GABRB3: variants seen among roughly 807,000 people sequenced by gnomAD.
GABRB3 encodes gamma-aminobutyric acid receptor subunit beta-3.
In GABRB3, 14 loss-of-function variants were observed where a neutral mutation model predicts 52.1. The observed-to-expected ratio is 0.27, with a 90% CI of 0.18 to 0.42. GABRB3 has a LOEUF of 0.42. GABRB3 is among the 10% of genes least tolerant of loss of function. The pLI, the probability that GABRB3 is intolerant of heterozygous loss-of-function variation, is 1.00. For missense variants in GABRB3, 307 were observed against 609.1 expected (o/e 0.50, Z 5.22); for synonymous variants, 260 against 232.3 (o/e 1.12, Z -1.08).
At chr15:26,561,804 T>G (rs1889998494) in intron 7 of GABRB3, among the ~76,000 whole-genome samples, 1 of 152,238 alleles carries the variant, frequency 6.6e-6, no homozygotes, top group Admixed American at 6.5e-5. Context: ...TGAGGGAAGA[T>G]GATCTCAGAG....
chr15:26,743,560 C>T (rs774892427), intron 3 of GABRB3, among the ~76,000 whole-genome samples: 1 of 152,140 alleles, frequency 6.6e-6, no homozygotes, highest in Non-Finnish European at 1.5e-5. Context: ...TAAGTGTTCA[C>T]ATAAAGGTTT....
intron 4 of GABRB3, among the ~76,000 whole-genome samples, chr15:26,584,953 A>G (rs918913866): frequency 6.6e-6 from 1 of 152,178 alleles, no homozygotes; most frequent in African/African-American, 2.4e-5. Context: ...GAATGAATTG[A>G]ACAGTAAAGA....
intron 3 of GABRB3, among the ~76,000 whole-genome samples, chr15:26,750,374 T>C (rs1890469778): frequency 6.6e-6 from 1 of 152,220 alleles, no homozygotes; most frequent in African/African-American, 2.4e-5. Flanking sequence ...TTCCGTTGCT[T>C]TTTAGATGAA....
At chr15:26,596,980 G>A (rs868195895) in intron 4 of GABRB3, among the ~76,000 whole-genome samples, 1 of 152,138 alleles carries the variant, frequency 6.6e-6, no homozygotes, top group Non-Finnish European at 1.5e-5. Context: ...ATACAGCAAG[G>A]GGGGCTGAGC....
chr15:26,617,283 G>A (rs1011918129), intron 4 of GABRB3, among the ~76,000 whole-genome samples: 33 of 152,158 alleles, frequency 2.2e-4, no homozygotes, highest in African/African-American at 6.7e-4. Context: ...CCCATCATCC[G>A]AATCCAGCAG....
intron 3 of GABRB3, among the ~76,000 whole-genome samples, chr15:26,709,821 A>C (rs1381807667): frequency 6.6e-6 from 1 of 151,692 alleles, no homozygotes; most frequent in East Asian, 1.9e-4. Context: ...CCAGTCATAA[A>C]CCTCTTTTCT....
At chr15:26,670,354 C>T (rs530150526) in intron 3 of GABRB3, among the ~76,000 whole-genome samples, 1 of 152,264 alleles carries the variant, frequency 6.6e-6, no homozygotes, top group Non-Finnish European at 1.5e-5. Context: ...CAGACCCGGT[C>T]CAGGCACTGC....
At chr15:26,772,852 C>A (rs916110628) in intron 1 of GABRB3, 31 bp downstream of exon 1, 1 of 1,449,682 alleles carries the variant, frequency 6.9e-7, no homozygotes, top group Non-Finnish European at 9.1e-7. Context: ...CGCGCCCTGC[C>A]CGCCGCCCGC....
At chr15:26,570,461 A>G (rs1454240842) in intron 6 of GABRB3, among the ~76,000 whole-genome samples, 1 of 152,246 alleles carries the variant, frequency 6.6e-6, no homozygotes. Flanking sequence ...TTTGGGAAAC[A>G]TGGAAATGAT....
chr15:26,685,704 G>C (rs542090198), intron 3 of GABRB3, among the ~76,000 whole-genome samples: 1 of 152,126 alleles, frequency 6.6e-6, no homozygotes, highest in South Asian at 2.1e-4. Context: ...GATAGTAGGA[G>C]TGGGCCTCTA....
rs2140638146 is a variant in GABRB3, at chr15:26,544,836, T to C, written c.*2957A>G. On this transcript the variant is annotated 3_prime_UTR_variant, in exon 9 of 9. Coordinates refer to ENST00000311550, the MANE Select transcript of GABRB3 (RefSeq NM_000814.6). The stretch of plus-strand genomic sequence containing the variant: ...TTGTTAAGAAAGAAATCTCATTATA[T>C]CCCCAATGATAACGTTTCTGTCCTT... 6.5e-6 allele frequency: 1 copy of C among 152,752 alleles called. No individual in the cohort carries two copies. Among genetic ancestry groups the C allele is most frequent in the African/African-American group, 2.4e-5 (1 of 41,570 alleles). The allele number at this position is 152,752 out of a possible 1,614,324, so 9.5% of individuals were successfully genotyped here.
intron 4 of GABRB3, among the ~76,000 whole-genome samples, chr15:26,609,545 C>T (rs572786625): frequency 1.2e-4 from 18 of 152,234 alleles, no homozygotes; most frequent in Admixed American, 7.9e-4. Context: ...AAGCTAACTA[C>T]TTGAGTCACT....
chr15:26,610,283 G>C (rs1464396878), intron 4 of GABRB3, among the ~76,000 whole-genome samples: 1 of 152,178 alleles, frequency 6.6e-6, no homozygotes, highest in African/African-American at 2.4e-5. Context: ...ATTTGAGACT[G>C]ATCTCCCATG....
chr15:26,733,832 A>G lies in GABRB3; in HGVS notation c.240+38570T>C, dbSNP rs149550060. ...GCCTCAGAAATAAATGCTGGAATAT[A>G]TGAACAAATGACTTTTGACAAGGGA... On this transcript the variant is annotated intron_variant, in intron 3 of 8. Transcript: ENST00000311550. 4.0e-3 allele frequency among the ~76,000 whole-genome samples: 616 copies of G among 152,300 alleles called. 5 individuals carry two copies. The highest frequency in any genetic ancestry group is 0.013 in the African/African-American group (549 of 41,558).
In GABRB3 at chr15:26,587,584, A is replaced by G. The variant is rs1053526476; in HGVS notation, c.462-4170T>C. Among the ~76,000 whole-genome samples, 5 of 152,248 alleles carry G rather than the reference A, an allele frequency of 3.3e-5. No homozygotes were observed. The South Asian group carries it at 6.2e-4, about 19-fold the overall frequency. On this transcript the variant is annotated intron_variant, in intron 4 of 8. Coordinates refer to ENST00000311550, the MANE Select transcript of GABRB3 (RefSeq NM_000814.6). The stretch of plus-strand genomic sequence containing the variant: ...GAGTGAATCGACCCTGGGATGTTGC[A>G]GAAATCATCGAATGTGTGCTCCACC...
chr15:26,641,559 A>C (rs563274153), intron 3 of GABRB3, among the ~76,000 whole-genome samples: 1 of 152,252 alleles, frequency 6.6e-6, no homozygotes, highest in Non-Finnish European at 1.5e-5. Context: ...CCAGCATTCT[A>C]TTTTTGCCCC....
At chr15:26,549,511 T>A (rs1889380712) in intron 8 of GABRB3, among the ~76,000 whole-genome samples, 1 of 152,078 alleles carries the variant, frequency 6.6e-6, no homozygotes. Flanking sequence ...GTCATCAGGG[T>A]AATGGCCCCC....
chr15:26,773,180 G>C (rs1483136780), upstream of GABRB3: 1 of 205,252 alleles, frequency 4.9e-6, no homozygotes, highest in Non-Finnish European at 9.0e-6. Flanking sequence ...CGGGGGAGGA[G>C]GCCGGAGAGT....
chr15:26,602,148 A>G lies in GABRB3; in HGVS notation c.462-18734T>C, dbSNP rs76229646. Among the ~76,000 whole-genome samples, 985 of 152,286 alleles carry G rather than the reference A, an allele frequency of 6.5e-3. 12 individuals carry two copies. The highest frequency in any genetic ancestry group is 0.022 in the African/African-American group (931 of 41,570). On this transcript the variant is annotated intron_variant, in intron 4 of 8. Transcript: ENST00000311550. The stretch of plus-strand genomic sequence containing the variant: ...CAAATTATATTCCTAGACAAAACAT[A>G]TAAGAAGAGACAAAGAAGGTCACTA...
Sources: allele counts gnomAD v4.1 joint callset (sites outside exome capture counted in the v4.1 genomes callset), GRCh38; gene constraint gnomAD v4.1.1; transcripts MANE v1.5; gene names NCBI Gene and HGNC (gene_info 2026-07-23, HGNC 2026-07-21).